CRYBG1: variants seen among roughly 807,000 people sequenced by gnomAD.
The protein encoded by CRYBG1 is crystallin beta-gamma domain containing 1.
Under a neutral mutation model 189.2 loss-of-function variants are expected in CRYBG1, and 139 were observed. The observed-to-expected ratio is 0.73, with a 90% CI of 0.64 to 0.85. The LOEUF (loss-of-function observed/expected upper bound fraction) is 0.85, where lower values mean the gene tolerates loss of function less well. Ranked by LOEUF, CRYBG1 falls within the 40% of genes least tolerant of loss-of-function variation. The pLI is 0.00. For synonymous variants in CRYBG1, 1,023 were observed against 1,017.1 expected (o/e 1.01, Z -0.11); for missense variants, 2,611 against 2,675.8 (o/e 0.98, Z 0.53).
rs192846315 is a variant in CRYBG1, at chr6:106,442,441, G to T, written c.174-9253G>T. Among the ~76,000 whole-genome samples the T allele has an allele frequency of 3.3e-5, 5 of 152,276 alleles. No homozygotes were observed. The East Asian group carries it at 9.6e-4, about 29-fold the overall frequency. ...GGTGGGGCAAAGGTAAACAAAATAGGCAGATGATGCATATTAAAGATGCTA... is the reference window on the plus strand; with the variant it reads ...GGTGGGGCAAAGGTAAACAAAATAGTCAGATGATGCATATTAAAGATGCTA... On this transcript the variant is annotated intron_variant, in intron 1 of 21. Coordinates refer to ENST00000633556, the MANE Select transcript of CRYBG1 (RefSeq NM_001371242.2).
chr6:106,427,863 C>T (rs1217925749), intron 1 of CRYBG1, among the ~76,000 whole-genome samples: 5 of 152,160 alleles, frequency 3.3e-5, no homozygotes, highest in Non-Finnish European at 5.9e-5. Context: ...CCTCTTGCAG[C>T]TCTCCCAGGC....
At chr6:106,552,104 C>T (rs1165894924) in intron 14 of CRYBG1, 80 bp from the exon 15 acceptor site, 13 of 1,441,644 alleles carry the variant, frequency 9.0e-6, no homozygotes, top group Non-Finnish European at 1.2e-5. Flanking sequence ...GCAGTAATTG[C>T]TAATAATCTA....
At chr6:106,498,208 C>A (rs1772899243) in intron 2 of CRYBG1, among the ~76,000 whole-genome samples, 1 of 151,822 alleles carries the variant, frequency 6.6e-6, no homozygotes, top group Admixed American at 6.6e-5. Flanking sequence ...CAAAGAAATG[C>A]AAGCTACCTA....
chr6:106,427,305 A>G (rs1771245253), intron 1 of CRYBG1, among the ~76,000 whole-genome samples: 1 of 152,220 alleles, frequency 6.6e-6, no homozygotes, highest in African/African-American at 2.4e-5. Flanking sequence ...GTAATATATT[A>G]AATAACAGGT....
At chr6:106,374,554 C>T (rs536831482) in intron 1 of CRYBG1, among the ~76,000 whole-genome samples, 2 of 152,076 alleles carry the variant, frequency 1.3e-5, no homozygotes, top group African/African-American at 2.4e-5. Flanking sequence ...CAAGACGTCT[C>T]GCTGAAAACA....
Position 106,421,598 on chromosome 6 carries a change from G to A in CRYBG1, c.174-30096G>A, listed in dbSNP as rs570436704. 2.6e-5 allele frequency among the ~76,000 whole-genome samples: 4 copies of A among 152,254 alleles called. No homozygotes were observed. In the South Asian group the frequency reaches 8.3e-4, roughly 32 times the overall value. On this transcript the variant is annotated intron_variant, in intron 1 of 21. Coordinates refer to ENST00000633556, the MANE Select transcript of CRYBG1 (RefSeq NM_001371242.2). ...CCAAAGGGGAGGGCTTTGCATGAAT[G>A]TCATTTGGACCCTGTCTCAGATGTG...
chr6:106,381,965 A>G (rs974750642), intron 1 of CRYBG1, among the ~76,000 whole-genome samples: 1 of 152,174 alleles, frequency 6.6e-6, no homozygotes, highest in Non-Finnish European at 1.5e-5. Flanking sequence ...CACCAAGGGA[A>G]GATAGATATG....
At chr6:106,544,422 C>T (rs1445457153) in intron 11 of CRYBG1, 149 bp from the exon 12 acceptor site, 3 of 906,520 alleles carry the variant, frequency 3.3e-6, no homozygotes, top group Non-Finnish European at 4.8e-6. Context: ...CTGTTATTCT[C>T]CTAAATTTTA....
intron 1 of CRYBG1, among the ~76,000 whole-genome samples, chr6:106,422,232 TAGTCTTCACATGA>T (rs71868034): frequency 0.016 from 2,364 of 152,286 alleles, 55 homozygotes; most frequent in African/African-American, 0.055. Flanking sequence ...TATTAGAACT[TAGTCTTCACATGA>T]CCAAGTAGTT....
chr6:106,403,323 A>G (rs961868165), intron 1 of CRYBG1, among the ~76,000 whole-genome samples: 2 of 152,198 alleles, frequency 1.3e-5, no homozygotes, highest in African/African-American at 4.8e-5. Flanking sequence ...AGCAAGACCC[A>G]GTCTCAGTAA....
intron 1 of CRYBG1, among the ~76,000 whole-genome samples, chr6:106,400,335 T>C (rs4945752): frequency 0.72 from 109,514 of 152,032 alleles, 40,333 homozygotes; most frequent in African/African-American, 0.88. Flanking sequence ...GCACATATAA[T>C]GATAGACATT....
chr6:106,448,788 C>T (rs1480944001), intron 1 of CRYBG1, among the ~76,000 whole-genome samples: 1 of 152,148 alleles, frequency 6.6e-6, no homozygotes. Context: ...AATTTCTGCA[C>T]AGTAGTGTCC....
At chr6:106,365,494 G>A (rs1771969936) in intron 1 of CRYBG1, among the ~76,000 whole-genome samples, 1 of 148,692 alleles carries the variant, frequency 6.7e-6, no homozygotes, top group African/African-American at 2.5e-5. Context: ...TCACTATGTT[G>A]CCCAGGCTGG....
rs140208097 is a variant in CRYBG1, at chr6:106,527,549, C to T, written c.4578+79C>T. On this transcript the variant is annotated intron_variant, in intron 7 of 21. Transcript: ENST00000633556. ...TACTTTAAGGGAAATGATCATTTTA[C>T]GAAATATGTGATTGGGAAACATATT... The T allele has an allele frequency of 3.2e-4, 450 of 1,421,384 alleles. 1 individual carries two copies. The African/African-American group carries it at 3.8e-3, about 12-fold the overall frequency. 88.0% of individuals were successfully genotyped at this position (1,421,384 alleles called of 1,614,324 possible).
chr6:106,497,570 CAT>C (rs1450893857), intron 2 of CRYBG1, among the ~76,000 whole-genome samples: 5 of 152,198 alleles, frequency 3.3e-5, no homozygotes, highest in African/African-American at 9.6e-5. Flanking sequence ...TGTGTGCACA[CAT>C]GTGTGCGTGT....
At chr6:106,442,717 A>G (rs1771586950) in intron 1 of CRYBG1, among the ~76,000 whole-genome samples, 1 of 152,202 alleles carries the variant, frequency 6.6e-6, no homozygotes, top group African/African-American at 2.4e-5. Flanking sequence ...AGCATCTGTG[A>G]TGTGACAGAT....
chr6:106,436,322 G>A (rs1449447942), intron 1 of CRYBG1, among the ~76,000 whole-genome samples: 13 of 144,324 alleles, frequency 9.0e-5, no homozygotes, highest in African/African-American at 2.8e-4. Context: ...TTTTTGAGAC[G>A]GAGTCTCGCT....
intron 1 of CRYBG1, among the ~76,000 whole-genome samples, chr6:106,446,053 A>T (rs2114428619): frequency 6.6e-6 from 1 of 152,216 alleles, no homozygotes; most frequent in East Asian, 1.9e-4. Flanking sequence ...TCTGAGGAAC[A>T]ATGTCTCTTC....
Position 106,571,118 on chromosome 6 carries a change from C to G in CRYBG1, c.*2552C>G, listed in dbSNP as rs1016059421. 1.7e-4 allele frequency: 26 copies of G among 152,310 alleles called. No homozygotes were observed. The highest frequency in any genetic ancestry group is 5.2e-4 in the Admixed American group (8 of 15,302). The allele number at this position is 152,310 out of a possible 1,614,324, so 9.4% of individuals were successfully genotyped here. ...GAGAAGCATGTTTCAATTGCCGAAA[C>G]AGGCCTAATCCTTATGCAAGATGTA... On this transcript the variant is annotated 3_prime_UTR_variant, in exon 22 of 22. Coordinates refer to ENST00000633556, the MANE Select transcript of CRYBG1 (RefSeq NM_001371242.2).
Sources: gnomAD v4.1 joint callset for allele counts (sites outside exome capture counted in the v4.1 genomes callset) on GRCh38, gnomAD v4.1.1 for gene constraint, MANE v1.5 for transcripts, NCBI Gene and HGNC (gene_info 2026-07-23, HGNC 2026-07-21) for gene names.